GARIN2: variants seen among roughly 807,000 people sequenced by gnomAD.
GARIN2 encodes golgi associated RAB2 interactor family member 2.
At chr14:67,200,138 C>A in the GARIN2 span, 1 of 1,117,828 alleles carries the variant, frequency 8.9e-7, no homozygotes, top group Non-Finnish European at 1.3e-6. Flanking sequence ...CCATTCTGAT[C>A]TCCCATGGGT....
the GARIN2 span, among the ~76,000 whole-genome samples, chr14:67,194,475 C>G: frequency 5.8e-4 from 88 of 151,980 alleles, no homozygotes; most frequent in African/African-American, 2.0e-3. Flanking sequence ...ATGATGGCTT[C>G]ACAGAACCAT....
chr14:67,212,062 A>C, the GARIN2 span, among the ~76,000 whole-genome samples: 15 of 152,236 alleles, frequency 9.9e-5, no homozygotes, highest in East Asian at 2.9e-3. Flanking sequence ...TAAAATGAAT[A>C]ATAGAATGCA....
chr14:67,211,213 G>A, the GARIN2 span, among the ~76,000 whole-genome samples: 1 of 152,014 alleles, frequency 6.6e-6, no homozygotes, highest in East Asian at 1.9e-4. Context: ...CCAGGCTCAT[G>A]GTAACTGTTC....
chr14:67,212,597 AAATAT>A, the GARIN2 span, among the ~76,000 whole-genome samples: 1 of 122,556 alleles, frequency 8.2e-6, no homozygotes, highest in African/African-American at 3.0e-5. Context: ...TTGAAAAAAA[AAATAT>A]ATATATATAT....
At chr14:67,227,878 T>C in the GARIN2 span, 3 of 152,276 alleles carry the variant, frequency 2.0e-5, no homozygotes, top group East Asian at 5.8e-4. Context: ...TTTAAGAAAT[T>C]AAGTTTCTTG....
the GARIN2 span, chr14:67,204,806 C>G: frequency 1.9e-6 from 3 of 1,613,864 alleles, no homozygotes; most frequent in African/African-American, 2.7e-5. Context: ...GATGTCACCA[C>G]GTTCACAGCC....
At chr14:67,196,206 T>C in the GARIN2 span, among the ~76,000 whole-genome samples, 52 of 151,110 alleles carry the variant, frequency 3.4e-4, 1 homozygote, top group African/African-American at 1.2e-3. Flanking sequence ...CTTTCCTTTC[T>C]TTTCTTTTCT....
chr14:67,215,389 C>G, the GARIN2 span, among the ~76,000 whole-genome samples: 1 of 148,244 alleles, frequency 6.7e-6, no homozygotes, highest in African/African-American at 2.5e-5. Context: ...AATTTCTCCC[C>G]AGAACACTGA....
the GARIN2 span, among the ~76,000 whole-genome samples, chr14:67,214,007 G>T: frequency 6.6e-6 from 1 of 152,112 alleles, no homozygotes; most frequent in Admixed American, 6.5e-5. Context: ...CTTTTTGATG[G>T]GGTTGTTTGT....
chr14:67,205,031 C>T, the GARIN2 span: 51 of 1,552,530 alleles, frequency 3.3e-5, no homozygotes, highest in Non-Finnish European at 3.3e-5. Context: ...ACAAACTGCT[C>T]GGGAGTCACA....
chr14:67,207,780 CA>C, the GARIN2 span, among the ~76,000 whole-genome samples: 3 of 151,206 alleles, frequency 2.0e-5, no homozygotes, highest in East Asian at 3.9e-4. Flanking sequence ...AGTCTTTTGA[CA>C]AAAAAAAATT....
chr14:67,199,104 G>C, the GARIN2 span: 1 of 1,176,692 alleles, frequency 8.5e-7, no homozygotes, highest in Admixed American at 1.7e-5. Context: ...GGATGCCACT[G>C]TGTACGTGGG....
At chr14:67,198,374 A>C in the GARIN2 span, 52 of 1,505,740 alleles carry the variant, frequency 3.5e-5, no homozygotes, top group Non-Finnish European at 4.3e-5. Flanking sequence ...TAATTTTCTC[A>C]AAGAAAACTG....
chr14:67,226,608 G>T, the GARIN2 span, among the ~76,000 whole-genome samples: 1 of 151,942 alleles, frequency 6.6e-6, no homozygotes, highest in Non-Finnish European at 1.5e-5. Context: ...TGATCCGCCC[G>T]CCTCAGCCTC....
chr14:67,199,722 C>G, the GARIN2 span: 3 of 1,581,652 alleles, frequency 1.9e-6, no homozygotes, highest in Admixed American at 1.7e-5. Flanking sequence ...CCCTCTGCCC[C>G]CAATCCTGTG....
At chr14:67,224,361 C>A in the GARIN2 span, among the ~76,000 whole-genome samples, 2 of 151,356 alleles carry the variant, frequency 1.3e-5, no homozygotes, top group African/African-American at 4.9e-5. Flanking sequence ...CAGGTTCAAG[C>A]GATTCTCTTG....
At chr14:67,218,122 G>T in the GARIN2 span, among the ~76,000 whole-genome samples, 1 of 152,180 alleles carries the variant, frequency 6.6e-6, no homozygotes, top group Non-Finnish European at 1.5e-5. Flanking sequence ...AGGCTCACCA[G>T]GCTGTTTCTC....
the GARIN2 span, among the ~76,000 whole-genome samples, chr14:67,205,617 CAG>C: frequency 5.3e-5 from 8 of 152,108 alleles, no homozygotes; most frequent in African/African-American, 1.4e-4. Context: ...AGTGGAAAAA[CAG>C]AGAGTCACGT....
At chr14:67,222,442 C>A in the GARIN2 span, among the ~76,000 whole-genome samples, 1 of 152,116 alleles carries the variant, frequency 6.6e-6, no homozygotes, top group African/African-American at 2.4e-5. Flanking sequence ...CAGGCGTTTG[C>A]CACCACGCCT....
Sources: allele counts gnomAD v4.1 joint callset (sites outside exome capture counted in the v4.1 genomes callset), GRCh38; gene constraint gnomAD v4.1.1; transcripts MANE v1.5; gene names NCBI Gene and HGNC (gene_info 2026-07-23, HGNC 2026-07-21).